Variants in DPYSL5 observed in about 807,000 individuals in gnomAD.
The protein encoded by DPYSL5 is dihydropyrimidinase-related protein 5.
DPYSL5 carries 9 observed loss-of-function variants against 58.4 expected under a neutral mutation model. The ratio of observed to expected loss-of-function variants is 0.15; its 90% CI spans 0.09 to 0.27. The LOEUF (loss-of-function observed/expected upper bound fraction) is 0.27, where lower values mean the gene tolerates loss of function less well. Among genes scored for constraint, DPYSL5 ranks in the 10% least tolerant of loss-of-function variants. DPYSL5 has a pLI of 1.00. For synonymous variants in DPYSL5, 293 were observed against 301.9 expected, an observed-to-expected ratio of 0.97 and a Z score of 0.31; for missense variants, 499 against 770.6, an observed-to-expected ratio of 0.65 and a Z score of 4.17.
chr2:26,932,204 A>G (rs1225594960), intron 6 of DPYSL5, among the ~76,000 whole-genome samples: 1 of 71,998 alleles, frequency 1.4e-5, no homozygotes, highest in Non-Finnish European at 3.0e-5. Context: ...AGAAAGAAAG[A>G]AAGAAAAGAA....
At chr2:26,907,100 T>TTA (rs2148144036) in intron 2 of DPYSL5, among the ~76,000 whole-genome samples, 1 of 149,816 alleles carries the variant, frequency 6.7e-6, no homozygotes, top group Admixed American at 6.7e-5. Flanking sequence ...ACATTTACAT[T>TTA]TTTATTTATT....
chr2:26,855,531 A>C (rs1665858160), intron 1 of DPYSL5, among the ~76,000 whole-genome samples: 1 of 152,006 alleles, frequency 6.6e-6, no homozygotes, highest in African/African-American at 2.4e-5. Flanking sequence ...TGCACGTGTC[A>C]CTCCCTACTA....
Position 26,942,394 on chromosome 2 carries a change from G to C in DPYSL5, c.1233-149G>C. 1.1e-6 allele frequency: 1 copy of C among 951,666 alleles called. No individual in the cohort carries two copies. Among genetic ancestry groups the C allele is most frequent in the Non-Finnish European group, 1.6e-6 (1 of 636,128 alleles). 59.0% of individuals were successfully genotyped at this position (951,666 alleles called of 1,614,324 possible). A position where few individuals can be genotyped will look rare whatever the true frequency, so the allele number is the denominator to read the frequency against. The stretch of plus-strand genomic sequence containing the variant: ...GCCCTAAATAGTGCCATGTTCTGAG[G>C]TTCTGGGTGTTAGAACTTCAGCAGA... On this transcript the variant is annotated intron_variant, in intron 10 of 12. Transcript: ENST00000288699. This position sits in a 1 kb window ranked among gnomAD's most constrained non-coding sequence, Gnocchi z 5.9.
At chr2:26,904,577 C>T (rs1006181179) in intron 2 of DPYSL5, among the ~76,000 whole-genome samples, 1 of 152,238 alleles carries the variant, frequency 6.6e-6, no homozygotes. Flanking sequence ...ATCATCTAGT[C>T]CCACCCACCC....
chr2:26,940,790 A>G (rs1454474095), intron 9 of DPYSL5, among the ~76,000 whole-genome samples: 1 of 151,884 alleles, frequency 6.6e-6, no homozygotes, highest in Non-Finnish European at 1.5e-5. Flanking sequence ...ATTTTCTCCA[A>G]TGAAAGTACC....
intron 2 of DPYSL5, among the ~76,000 whole-genome samples, chr2:26,914,453 G>A (rs1664515351): frequency 6.6e-6 from 1 of 152,200 alleles, no homozygotes; most frequent in Non-Finnish European, 1.5e-5. Flanking sequence ...CATTGCTGGG[G>A]CAGCCCTGGA....
intron 1 of DPYSL5, among the ~76,000 whole-genome samples, chr2:26,863,734 C>T (rs933837939): frequency 5.3e-5 from 8 of 152,146 alleles, no homozygotes; most frequent in African/African-American, 1.7e-4. Context: ...ACCATCTCTT[C>T]CCCAACCCTC....
rs1262181827 is a variant in DPYSL5 at position 26,932,151 on chromosome 2, GAA to G, written c.714+469_714+470del. On this transcript the variant is annotated intron_variant, in intron 6 of 12. Transcript: ENST00000288699. ...AAAGAAAGAAAGAGAAAGAAAGAAA[GAA>G]AGAAAGAAAGAAAGAAAGAAAGAAA... 2.3e-3 allele frequency among the ~76,000 whole-genome samples: 106 copies of G among 46,798 alleles called. 1 individual carries two copies. The highest frequency in any genetic ancestry group is 5.8e-3 in the African/African-American group (74 of 12,830). 30.7% of individuals were successfully genotyped at this position (46,798 alleles called of 152,430 possible). A position where few individuals can be genotyped will look rare whatever the true frequency, so the allele number is the denominator to read the frequency against.
intron 2 of DPYSL5, among the ~76,000 whole-genome samples, chr2:26,922,293 G>A (rs565729362): frequency 7.9e-5 from 12 of 152,348 alleles, no homozygotes; most frequent in Admixed American, 2.0e-4. Flanking sequence ...CAGGATAGGC[G>A]CGTGTGGGCT....
chr2:26,944,608 T>G lies in DPYSL5; in HGVS notation c.1441-48T>G, dbSNP rs750124895. On this transcript the variant is annotated intron_variant, in intron 11 of 12. Transcript: ENST00000288699. The surrounding 1 kb of genome is among the most constrained non-coding windows in gnomAD (Gnocchi z 4.4). ...GGAGGCCATGGTTGTATCACTCAGC[T>G]CTGATGGTGTTGTCCTGTTCTTCTG... The G allele has an allele frequency of 4.4e-6, 7 of 1,594,938 alleles. No homozygotes were observed. In the East Asian group the frequency reaches 1.6e-4, roughly 36 times the overall value.
At chr2:26,878,139 T>TA (rs1663460311) in intron 1 of DPYSL5, among the ~76,000 whole-genome samples, 1 of 152,248 alleles carries the variant, frequency 6.6e-6, no homozygotes, top group Non-Finnish European at 1.5e-5. Flanking sequence ...TAACAACATA[T>TA]AAGAATGCGT....
rs1225634720 is a variant in DPYSL5 at position 26,933,772 on chromosome 2, C to A, written c.790+439C>A. Among the ~76,000 whole-genome samples, 1 of 152,114 alleles carries A rather than the reference C, an allele frequency of 6.6e-6. No individual in the cohort carries two copies. Among genetic ancestry groups the A allele is most frequent in the Admixed American group, 6.5e-5 (1 of 15,276 alleles). On this transcript the variant is annotated intron_variant, in intron 7 of 12. Coordinates refer to ENST00000288699, the MANE Select transcript of DPYSL5 (RefSeq NM_020134.4). The surrounding 1 kb of genome is among the most constrained non-coding windows in gnomAD (Gnocchi z 4.2). ...GTGTGTGGGCCCAGCTTCCTTTTAG[C>A]CTCCTGGAACCCTGTGTATGAGTCC... is the stretch of plus-strand genomic sequence containing the variant.
intron 1 of DPYSL5, among the ~76,000 whole-genome samples, chr2:26,850,408 C>T (rs1291140741): frequency 6.6e-6 from 1 of 152,088 alleles, no homozygotes; most frequent in Non-Finnish European, 1.5e-5. Flanking sequence ...TGCAAGTCAC[C>T]GCTGCAGCGC....
At position 26,940,013 on chromosome 2, in the gene DPYSL5, C is replaced by T. The variant is rs1665275402; in HGVS notation, c.948-18C>T. 6.2e-7 allele frequency: 1 copy of T among 1,613,896 alleles called. No individual in the cohort carries two copies. Among genetic ancestry groups the T allele is most frequent in the African/African-American group, 1.3e-5 (1 of 74,906 alleles). Reference sequence around the variant, plus strand: ...CACCTCCCCTCCCCTTACTGGTCACCTCCTTTTCTCTACCCAGTGACACTC... The same window carrying T: ...CACCTCCCCTCCCCTTACTGGTCACTTCCTTTTCTCTACCCAGTGACACTC... On this transcript the variant is annotated intron_variant, in intron 8 of 12. Coordinates refer to ENST00000288699, the MANE Select transcript of DPYSL5 (RefSeq NM_020134.4).
At chr2:26,869,176 G>A (rs894959955) in intron 1 of DPYSL5, among the ~76,000 whole-genome samples, 6 of 152,156 alleles carry the variant, frequency 3.9e-5, no homozygotes, top group Non-Finnish European at 7.3e-5. Context: ...TGTTGCCCAG[G>A]TGGATTTCGA....
chr2:26,896,529 C>T (rs1292612970), intron 1 of DPYSL5, among the ~76,000 whole-genome samples: 1 of 152,160 alleles, frequency 6.6e-6, no homozygotes, highest in Non-Finnish European at 1.5e-5. Context: ...CCCTTTTCTC[C>T]ACATCCTTGC....
At chr2:26,938,061 T>G (rs368721686) in intron 8 of DPYSL5, among the ~76,000 whole-genome samples, 1 of 152,170 alleles carries the variant, frequency 6.6e-6, no homozygotes. Context: ...ATATAAAATG[T>G]TACAGTGCTT....
chr2:26,912,845 C>A (rs765804017), intron 2 of DPYSL5, among the ~76,000 whole-genome samples: 3 of 152,176 alleles, frequency 2.0e-5, no homozygotes, highest in African/African-American at 4.8e-5. Flanking sequence ...CCGCACTTAC[C>A]CCTCTGTTTC....
chr2:26,881,506 C>G (rs560650756), intron 1 of DPYSL5, among the ~76,000 whole-genome samples: 1 of 152,288 alleles, frequency 6.6e-6, no homozygotes, highest in African/African-American at 2.4e-5. Context: ...AGATTTGCTT[C>G]TCAGGCTTAG....
Sources: gnomAD v4.1 joint callset for allele counts (sites outside exome capture counted in the v4.1 genomes callset) on GRCh38, gnomAD v4.1.1 for gene constraint, Gnocchi (gnomAD v3.1) non-coding constraint, MANE v1.5 for transcripts, NCBI Gene and HGNC (gene_info 2026-07-23, HGNC 2026-07-21) for gene names.